NCOA3: variants seen among roughly 807,000 people sequenced by gnomAD.
NCOA3 encodes the protein CBP-interacting protein.
In NCOA3, 51 loss-of-function variants were observed where a neutral mutation model predicts 158.8. The ratio of observed to expected loss-of-function variants is 0.32; its 90% CI spans 0.26 to 0.41. The LOEUF is 0.41. NCOA3 is among the 10% of genes least tolerant of loss of function. NCOA3 has a pLI of 1.00. For synonymous variants in NCOA3, 537 were observed against 592.4 expected (o/e 0.91, Z 1.36); for missense variants, 1,510 against 1,746.6 (o/e 0.86, Z 2.41).
intron 1 of NCOA3, among the ~76,000 whole-genome samples, chr20:47,568,733 C>T (rs1195216731): frequency 1.3e-5 from 2 of 151,330 alleles, no homozygotes; most frequent in African/African-American, 4.9e-5. Context: ...GAGGCAGAAG[C>T]TGCAGTGAGC....
intron 14 of NCOA3, 119 bp downstream of exon 14, chr20:47,639,321 T>G (rs2086567009): frequency 3.1e-6 from 3 of 959,002 alleles, no homozygotes; most frequent in East Asian, 2.6e-5. Context: ...AGTATGTTTC[T>G]TCCATGAATA....
chr20:47,559,535 T>C (rs1313966389), intron 1 of NCOA3, among the ~76,000 whole-genome samples: 2 of 152,134 alleles, frequency 1.3e-5, no homozygotes, highest in Non-Finnish European at 2.9e-5. Flanking sequence ...TTACTAAATG[T>C]CCTTTGCAGT....
chr20:47,526,508 C>T (rs997354837), intron 1 of NCOA3, among the ~76,000 whole-genome samples: 10 of 152,246 alleles, frequency 6.6e-5, no homozygotes, highest in Non-Finnish European at 1.2e-4. Flanking sequence ...TCTGCAATCC[C>T]TGCACCTCGG....
At chr20:47,533,943 G>T (rs2093703689) in intron 1 of NCOA3, among the ~76,000 whole-genome samples, 1 of 151,898 alleles carries the variant, frequency 6.6e-6, no homozygotes, top group Non-Finnish European at 1.5e-5. Context: ...AAAAACAAAC[G>T]AAAAAACAAA....
intron 1 of NCOA3, among the ~76,000 whole-genome samples, chr20:47,522,698 T>A (rs1273891622): frequency 4.7e-5 from 7 of 150,132 alleles, no homozygotes; most frequent in African/African-American, 1.7e-4. Context: ...GCAGGGGCGC[T>A]ATGATGTTCT....
At chr20:47,550,399 G>C (rs2084910096) in intron 1 of NCOA3, among the ~76,000 whole-genome samples, 1 of 145,278 alleles carries the variant, frequency 6.9e-6, no homozygotes, top group African/African-American at 2.6e-5. Context: ...AGCTGAGATC[G>C]TGCCATTGCA....
chr20:47,534,888 G>A (rs944940427), intron 1 of NCOA3, among the ~76,000 whole-genome samples: 13 of 151,802 alleles, frequency 8.6e-5, no homozygotes, highest in East Asian at 1.9e-4. Context: ...GCACTATAGC[G>A]TGGGTGACAG....
At chr20:47,651,366 A>T (rs1465900005) in intron 20 of NCOA3, 90 bp downstream of exon 20, 1 of 1,507,522 alleles carries the variant, frequency 6.6e-7, no homozygotes. Context: ...AAAGACAAAA[A>T]CACGATTCAC....
intron 2 of NCOA3, among the ~76,000 whole-genome samples, chr20:47,607,077 G>A (rs1033202658): frequency 1.3e-5 from 2 of 152,192 alleles, no homozygotes; most frequent in Admixed American, 6.5e-5. Context: ...ATACAGTGAT[G>A]CATGGGTTAA....
In NCOA3 at chr20:47,653,554, G is replaced by A; in HGVS notation, c.*137G>A. On this transcript the variant is annotated 3_prime_UTR_variant, in exon 23 of 23. Transcript: ENST00000371998. ...TTGAGCTCCATCAAGGGTATTTTAA[G>A]TGATGTCATTTGAGCAGGACTGGAT... 9.5e-7 allele frequency: 1 copy of A among 1,051,040 alleles called. No homozygotes were observed. Among genetic ancestry groups the A allele is most frequent in the Admixed American group, 2.1e-5 (1 of 46,730 alleles). The allele number at this position is 1,051,040 out of a possible 1,614,324, so 65.1% of individuals were successfully genotyped here.
At chr20:47,556,589 C>A (rs1025633675) in intron 1 of NCOA3, among the ~76,000 whole-genome samples, 3 of 152,068 alleles carry the variant, frequency 2.0e-5, no homozygotes, top group African/African-American at 7.2e-5. Context: ...GTGGTGTGAT[C>A]TCAGCTCACT....
chr20:47,568,560 C>G (rs2085237872), intron 1 of NCOA3, among the ~76,000 whole-genome samples: 1 of 152,110 alleles, frequency 6.6e-6, no homozygotes, highest in Non-Finnish European at 1.5e-5. Flanking sequence ...CTTGGGGAAG[C>G]TAAGGCAGGT....
rs1190811117 is a variant in NCOA3 at position 47,635,524 on chromosome 20, A to T, written c.1315A>T (p.Ile439Leu). 6.2e-7 allele frequency: 1 copy of T among 1,614,158 alleles called. No homozygotes were observed. The highest frequency in any genetic ancestry group is 2.2e-5 in the East Asian group (1 of 44,858). ...AGCTAGGTATGGGGGTTCCAGTAAC[A>T]TAGCTTCATTGACCCCTGGGCCAGG... ...SGARYGGSSNIASLTPGPGMQ... is the reference protein window; with the variant it reads ...SGARYGGSSNLASLTPGPGMQ... Residue 439 changes from isoleucine to leucine, a missense_variant, in exon 11 of 23, where the codon ATA becomes TTA. Around this residue, in one of 4 missense-constraint regions of NCOA3, gnomAD observed 1,017 missense variants for 1,098.3 expected, o/e 0.93. Transcript: ENST00000371998.
At chr20:47,653,369 T>A in intron 22 of NCOA3, 37 bp from the exon 23 acceptor site, 4 of 161,864 alleles carry the variant, frequency 2.5e-5, no homozygotes, top group Non-Finnish European at 3.1e-5. Context: ...GTTTTACTCA[T>A]TTTTTTTTTT....
At chr20:47,521,167 C>CGAAT (rs1263215613) in intron 1 of NCOA3, among the ~76,000 whole-genome samples, 2 of 152,110 alleles carry the variant, frequency 1.3e-5, no homozygotes, top group Non-Finnish European at 2.9e-5. Flanking sequence ...TCAGCTTATT[C>CGAAT]GTCGCACTGC....
intron 1 of NCOA3, among the ~76,000 whole-genome samples, chr20:47,511,288 C>T (rs1350857701): frequency 6.8e-6 from 1 of 146,594 alleles, no homozygotes; most frequent in Admixed American, 6.9e-5. Context: ...CACTGTGTTG[C>T]CCAGGCCAGA....
intron 1 of NCOA3, among the ~76,000 whole-genome samples, chr20:47,509,126 C>T (rs550954537): frequency 6.6e-6 from 1 of 152,212 alleles, no homozygotes; most frequent in East Asian, 1.9e-4. Context: ...AGGCTGGGTC[C>T]CATGGCTCAC....
At chr20:47,557,351 A>G (rs2085023155) in intron 1 of NCOA3, among the ~76,000 whole-genome samples, 1 of 152,200 alleles carries the variant, frequency 6.6e-6, no homozygotes, top group South Asian at 2.1e-4. Context: ...CAGGTGCTTA[A>G]CTTGGCTTTC....
chr20:47,644,839 A>G (rs575867837), intron 17 of NCOA3, among the ~76,000 whole-genome samples: 214 of 152,226 alleles, frequency 1.4e-3, no homozygotes, highest in African/African-American at 4.8e-3. Context: ...CTGGGACTAC[A>G]GGCGCACGCC....
Sources: allele counts gnomAD v4.1 joint callset (sites outside exome capture counted in the v4.1 genomes callset), GRCh38; gene constraint gnomAD v4.1.1; regional missense constraint gnomAD v4.1.1; transcripts MANE v1.5; gene names NCBI Gene and HGNC (gene_info 2026-07-23, HGNC 2026-07-21).